Variants in DLGAP2 observed in about 807,000 individuals in gnomAD.
DLGAP2 encodes disks large-associated protein 2.
In DLGAP2, 26 loss-of-function variants were observed where a neutral mutation model predicts 100.3. That is an observed-to-expected ratio of 0.26 (90% CI 0.19 to 0.36). The LOEUF (loss-of-function observed/expected upper bound fraction) is 0.36. Ranked by LOEUF, DLGAP2 falls within the 10% of genes least tolerant of loss-of-function variation. DLGAP2 has a pLI of 1.00. For missense variants in DLGAP2, 1,858 were observed against 1,453.2 expected, an observed-to-expected ratio of 1.28 and a Z score of -4.53; for synonymous variants, 886 against 630.1, an observed-to-expected ratio of 1.41 and a Z score of -6.08.
At chr8:881,688 T>C (rs201954843) in intron 1 of DLGAP2, among the ~76,000 whole-genome samples, 1 of 61,278 alleles carries the variant, frequency 1.6e-5, no homozygotes, top group East Asian at 2.1e-4. Context: ...CACACTTTTT[T>C]TTTTTTTTTT....
At chr8:794,910 G>C (rs997005628) in intron 1 of DLGAP2, among the ~76,000 whole-genome samples, 3 of 152,182 alleles carry the variant, frequency 2.0e-5, no homozygotes, top group Non-Finnish European at 4.4e-5. Flanking sequence ...CTGGTGGCGT[G>C]AGTGAGGTTG....
At chr8:1,564,098 C>T (rs1003874224) in intron 5 of DLGAP2, among the ~76,000 whole-genome samples, 2 of 152,240 alleles carry the variant, frequency 1.3e-5, no homozygotes, top group South Asian at 4.1e-4. Context: ...CTGTGGAAAG[C>T]TTTGGAGTTC....
chr8:1,080,330 C>G (rs1269368783), intron 2 of DLGAP2, among the ~76,000 whole-genome samples: 2 of 152,236 alleles, frequency 1.3e-5, no homozygotes, highest in Non-Finnish European at 2.9e-5. Context: ...GGCCTTTCCT[C>G]AAGTGCCTTG....
rs189293662 is a variant in DLGAP2 at position 1,196,844 on chromosome 8, G to C, written c.74-62007G>C. Among the ~76,000 whole-genome samples the C allele has an allele frequency of 5.3e-4, 81 of 152,212 alleles. 1 individual carries two copies. Among genetic ancestry groups the C allele is most frequent in the African/African-American group, 1.8e-3 (74 of 41,528 alleles). On this transcript the variant is annotated intron_variant, in intron 2 of 14. Transcript: ENST00000637795. ...ATCACACATACACCAGGGTTCTCCC[G>C]AAAAGTGAGACTGACAGGATATATA... is the stretch of plus-strand genomic sequence containing the variant.
chr8:1,294,311 C>G (rs994946730), intron 3 of DLGAP2, among the ~76,000 whole-genome samples: 7 of 152,158 alleles, frequency 4.6e-5, no homozygotes, highest in East Asian at 1.9e-4. Context: ...GGAAAAAATG[C>G]CATGTTCACA....
chr8:1,095,503 T>G (rs773345698), intron 2 of DLGAP2, among the ~76,000 whole-genome samples: 8 of 152,180 alleles, frequency 5.3e-5, no homozygotes, highest in Non-Finnish European at 1.0e-4. Flanking sequence ...AGAGTCTACT[T>G]CCTGGTGACC....
At chr8:1,452,129 C>T (rs1385857657) in intron 3 of DLGAP2, among the ~76,000 whole-genome samples, 1 of 152,264 alleles carries the variant, frequency 6.6e-6, no homozygotes, top group Admixed American at 6.5e-5. Context: ...CCGTGTCTTC[C>T]AGCTGTCTGT....
rs186234085 is a variant in DLGAP2 at position 1,592,500 on chromosome 8, A to G, written c.1442+26606A>G. Among the ~76,000 whole-genome samples the G allele has an allele frequency of 2.0e-5, 3 of 152,168 alleles. No homozygotes were observed. In the East Asian group the frequency reaches 5.8e-4, roughly 30 times the overall value. ...ACATTTGCCCCCTGAAGCTCTGGAA[A>G]GCGGTCCCCAAATCCCATCCGGATG... On this transcript the variant is annotated intron_variant, in intron 6 of 14. Coordinates refer to ENST00000637795, the MANE Select transcript of DLGAP2 (RefSeq NM_001346810.2).
chr8:1,373,391 G>C (rs2129720347), intron 3 of DLGAP2, among the ~76,000 whole-genome samples: 1 of 152,224 alleles, frequency 6.6e-6, no homozygotes, highest in Admixed American at 6.5e-5. Context: ...GCAGAGCCCT[G>C]TGCCGCTTGC....
chr8:875,348 A>T (rs1402265148), intron 1 of DLGAP2, among the ~76,000 whole-genome samples: 3 of 152,094 alleles, frequency 2.0e-5, no homozygotes, highest in Non-Finnish European at 4.4e-5. Context: ...TCTCATCTTG[A>T]ATTGTGGTTC....
chr8:1,002,274 C>T (rs985779871), intron 2 of DLGAP2: 5 of 152,134 alleles, frequency 3.3e-5, no homozygotes, highest in African/African-American at 7.2e-5. Context: ...ACGAACATCT[C>T]CAGGACTTCC....
chr8:879,487 C>G (rs989669033), intron 1 of DLGAP2, among the ~76,000 whole-genome samples: 1 of 152,186 alleles, frequency 6.6e-6, no homozygotes, highest in African/African-American at 2.4e-5. Context: ...GTGAAGGCAT[C>G]TTTCTGCCAT....
chr8:1,194,010 C>T (rs145589093), intron 2 of DLGAP2, among the ~76,000 whole-genome samples: 1 of 152,140 alleles, frequency 6.6e-6, no homozygotes, highest in Admixed American at 6.5e-5. Context: ...TGAAATTTCT[C>T]CTTGGCATTA....
chr8:1,614,401 A>T (rs1386267980), intron 6 of DLGAP2, among the ~76,000 whole-genome samples: 1 of 152,258 alleles, frequency 6.6e-6, no homozygotes, highest in Non-Finnish European at 1.5e-5. Context: ...CTGGTACCAC[A>T]GGCAGGACAA....
At chr8:1,588,017 A>G (rs1472821322) in intron 6 of DLGAP2, among the ~76,000 whole-genome samples, 1 of 152,208 alleles carries the variant, frequency 6.6e-6, no homozygotes, top group African/African-American at 2.4e-5. Context: ...GCCTTACCTG[A>G]GTTCATCACG....
intron 1 of DLGAP2, among the ~76,000 whole-genome samples, chr8:823,579 A>G (rs1215962789): frequency 6.6e-6 from 1 of 152,000 alleles, no homozygotes; most frequent in Non-Finnish European, 1.5e-5. Context: ...CACGGGGCTC[A>G]GCAGGAGACC....
At chr8:1,623,565 T>A (rs1180379546) in intron 6 of DLGAP2, among the ~76,000 whole-genome samples, 1 of 149,940 alleles carries the variant, frequency 6.7e-6, no homozygotes, top group African/African-American at 2.5e-5. Context: ...CTGGCACCAG[T>A]GCGTGATGAC....
intron 6 of DLGAP2, among the ~76,000 whole-genome samples, chr8:1,603,166 A>G (rs57812872): frequency 9.0e-5 from 10 of 111,438 alleles, no homozygotes; most frequent in Middle Eastern, 5.6e-3. Context: ...TCTCAGTTCT[A>G]CAGAGGCTGG....
intron 2 of DLGAP2, among the ~76,000 whole-genome samples, chr8:1,223,052 C>G (rs1798347245): frequency 6.6e-6 from 1 of 152,192 alleles, no homozygotes; most frequent in Non-Finnish European, 1.5e-5. Context: ...TTGGGCACTT[C>G]TCCCTGCCAG....
Sources: gnomAD v4.1 joint callset for allele counts (sites outside exome capture counted in the v4.1 genomes callset) on GRCh38, gnomAD v4.1.1 for gene constraint, MANE v1.5 for transcripts, NCBI Gene and HGNC (gene_info 2026-07-23, HGNC 2026-07-21) for gene names.